The following SBF2 variants were observed in gnomAD, a reference collection of about 807,000 sequenced individuals.
SBF2 encodes SET binding factor 2.
SBF2 carries 112 observed loss-of-function variants against 225.2 expected under a neutral mutation model. The ratio of observed to expected loss-of-function variants is 0.50; its 90% CI spans 0.43 to 0.58. The LOEUF (loss-of-function observed/expected upper bound fraction) is 0.58. SBF2 is among the 20% of genes least tolerant of loss of function. The pLI is 0.00. For missense variants in SBF2, 1,996 were observed against 2,206.2 expected, an observed-to-expected ratio of 0.90 and a Z score of 1.91; for synonymous variants, 763 against 773.3, an observed-to-expected ratio of 0.99 and a Z score of 0.22.
intron 2 of SBF2, among the ~76,000 whole-genome samples, chr11:10,147,024 C>T (rs1009136408): frequency 6.7e-6 from 1 of 150,326 alleles, no homozygotes; most frequent in Non-Finnish European, 1.5e-5. Flanking sequence ...CCATCTCACA[C>T]CAGTCAGAAT....
intron 33 of SBF2, 169 bp from the exon 34 acceptor site, chr11:9,790,852 G>A: frequency 1.8e-6 from 1 of 544,978 alleles, no homozygotes; most frequent in Non-Finnish European, 3.2e-6. Context: ...AGACCGGAAT[G>A]AATTTCATCG....
chr11:9,921,069 T>C (rs1287388509), intron 16 of SBF2, among the ~76,000 whole-genome samples: 3 of 145,700 alleles, frequency 2.1e-5, no homozygotes, highest in Non-Finnish European at 4.5e-5. Context: ...AACTTCTTTT[T>C]TTTTTTTTTT....
At chr11:10,198,229 G>A (rs1483947149) in intron 1 of SBF2, among the ~76,000 whole-genome samples, 1 of 152,186 alleles carries the variant, frequency 6.6e-6, no homozygotes, top group Non-Finnish European at 1.5e-5. Flanking sequence ...AAACTTGAAA[G>A]TCAAAATGAC....
upstream of SBF2, among the ~76,000 whole-genome samples, chr11:10,294,580 GA>G (rs1331645085): frequency 6.6e-6 from 1 of 152,248 alleles, no homozygotes; most frequent in Admixed American, 6.5e-5. Flanking sequence ...CACCAAAGAT[GA>G]AATTCTCCCG....
chr11:9,955,326 T>TACAC (rs1273795204), intron 16 of SBF2, among the ~76,000 whole-genome samples: 1 of 152,020 alleles, frequency 6.6e-6, no homozygotes, highest in East Asian at 1.9e-4. Flanking sequence ...CATACATACA[T>TACAC]ATAATTTTAG....
chr11:10,076,682 A>G (rs1951128278), intron 2 of SBF2, among the ~76,000 whole-genome samples: 1 of 152,364 alleles, frequency 6.6e-6, no homozygotes, highest in East Asian at 1.9e-4. Context: ...GGCTGAAAGC[A>G]TGGACTTCAG....
chr11:10,277,944 A>C (rs939044307), intron 1 of SBF2, among the ~76,000 whole-genome samples: 3 of 152,236 alleles, frequency 2.0e-5, no homozygotes, highest in Non-Finnish European at 2.9e-5. Flanking sequence ...ACGAGTTTGT[A>C]GTAATTTGTT....
intron 2 of SBF2, among the ~76,000 whole-genome samples, chr11:10,135,163 C>T (rs1022985957): frequency 1.3e-5 from 2 of 152,242 alleles, no homozygotes; most frequent in Admixed American, 6.5e-5. Flanking sequence ...TCTGAAGCCA[C>T]AGCCCACACT....
intron 1 of SBF2, among the ~76,000 whole-genome samples, chr11:10,235,756 A>T (rs961010778): frequency 6.6e-6 from 1 of 152,178 alleles, no homozygotes; most frequent in Non-Finnish European, 1.5e-5. Flanking sequence ...TAACAGGAAA[A>T]TTGAATCATT....
At chr11:9,794,482 T>C (rs113560507) in intron 33 of SBF2, among the ~76,000 whole-genome samples, 1,575 of 151,360 alleles carry the variant, frequency 0.01, 30 homozygotes, top group African/African-American at 0.035. Flanking sequence ...CTGGCCAACA[T>C]GGTGAAACCT....
intron 2 of SBF2, among the ~76,000 whole-genome samples, chr11:10,066,323 T>C (rs1032502030): frequency 4.0e-5 from 6 of 150,434 alleles, no homozygotes; most frequent in African/African-American, 1.5e-4. Context: ...ACTAAATATC[T>C]ATATATCTAT....
chr11:10,227,099 G>T (rs1315810384), intron 1 of SBF2, among the ~76,000 whole-genome samples: 3 of 152,098 alleles, frequency 2.0e-5, no homozygotes, highest in African/African-American at 7.2e-5. Context: ...TTTTTCATGT[G>T]TTTTTTGGCT....
At chr11:10,066,315 T>C (rs977577274) in intron 2 of SBF2, among the ~76,000 whole-genome samples, 2 of 151,080 alleles carry the variant, frequency 1.3e-5, no homozygotes, top group Non-Finnish European at 3.0e-5. Context: ...GTAAAAATAC[T>C]AAATATCTAT....
chr11:10,274,750 CAAA>C (rs200010291), intron 1 of SBF2, among the ~76,000 whole-genome samples: 95 of 105,026 alleles, frequency 9.0e-4, no homozygotes, highest in Non-Finnish European at 1.1e-3. Flanking sequence ...GACTCCATCT[CAAA>C]AAAAAAAAAA....
At chr11:9,813,664 G>A (rs559097499) in intron 29 of SBF2, among the ~76,000 whole-genome samples, 54 of 152,244 alleles carry the variant, frequency 3.5e-4, no homozygotes, top group Non-Finnish European at 5.4e-4. Context: ...TTACATGGTC[G>A]GGCACGGTGG....
chr11:10,108,714 C>A (rs1192650336), intron 2 of SBF2, among the ~76,000 whole-genome samples: 1 of 151,056 alleles, frequency 6.6e-6, no homozygotes, highest in Non-Finnish European at 1.5e-5. Context: ...TTAGTAGAGG[C>A]GGGGTTTCAC....
intron 6 of SBF2, among the ~76,000 whole-genome samples, chr11:10,023,563 A>G (rs1948938118): frequency 6.6e-6 from 1 of 151,954 alleles, no homozygotes; most frequent in Admixed American, 6.6e-5. Flanking sequence ...TATAATCACT[A>G]ATCTGTTTTG....
chr11:10,201,007 C>G (rs897040740), intron 1 of SBF2, among the ~76,000 whole-genome samples: 1 of 152,176 alleles, frequency 6.6e-6, no homozygotes, highest in Non-Finnish European at 1.5e-5. Flanking sequence ...ACCAGTGCTT[C>G]TATTCCATTC....
intron 16 of SBF2, among the ~76,000 whole-genome samples, chr11:9,914,950 A>G (rs963353354): frequency 6.6e-6 from 1 of 151,852 alleles, no homozygotes; most frequent in African/African-American, 2.4e-5. Context: ...GTATACAGAA[A>G]ATCTCTGTAA....
Sources: allele counts gnomAD v4.1 joint callset (sites outside exome capture counted in the v4.1 genomes callset), GRCh38; gene constraint gnomAD v4.1.1; transcripts MANE v1.5; gene names NCBI Gene and HGNC (gene_info 2026-07-23, HGNC 2026-07-21).